CCDC39: variants seen among roughly 807,000 people sequenced by gnomAD.
CCDC39 encodes the protein coiled-coil domain 39 molecular ruler complex subunit.
A neutral mutation model predicts 121.0 loss-of-function variants in CCDC39; 113 were observed. The ratio of observed to expected loss-of-function variants is 0.93; its 90% confidence interval spans 0.80 to 1.09. CCDC39 has a LOEUF of 1.09. Among genes scored for constraint, CCDC39 ranks in the 50% least tolerant of loss-of-function variants. The probability of loss-of-function intolerance (pLI) is 0.00; values close to 1 mark genes in which losing one functional copy is unlikely to be tolerated. For missense variants in CCDC39, 1,063 were observed against 1,074.7 expected, an observed-to-expected ratio of 0.99 and a Z score of 0.15; for synonymous variants, 349 against 352.2, an observed-to-expected ratio of 0.99 and a Z score of 0.10.
At chr3:180,617,439 G>T (rs1407167932) in intron 16 of CCDC39, 1 of 683,370 alleles carries the variant, frequency 1.5e-6, no homozygotes, top group Non-Finnish European at 2.7e-6. Flanking sequence ...TCCTTCAGGA[G>T]ATATTCCAGA....
At chr3:180,620,963 T>C (rs1195777561) in intron 14 of CCDC39, among the ~76,000 whole-genome samples, 3 of 152,154 alleles carry the variant, frequency 2.0e-5, no homozygotes, top group Non-Finnish European at 4.4e-5. Context: ...CTCCACGCTC[T>C]ACCTCCATGT....
At chr3:180,669,423 TG>T (rs1286738841) in intron 1 of CCDC39, among the ~76,000 whole-genome samples, 1 of 152,126 alleles carries the variant, frequency 6.6e-6, no homozygotes, top group African/African-American at 2.4e-5. Context: ...ATTTAAGAAC[TG>T]AAACTTTTAT....
rs1215413312 is a variant in CCDC39, at chr3:180,631,566, T to C, written c.1901A>G (p.Lys634Arg). Residue 634 changes from lysine to arginine, a missense_variant, in exon 14 of 20, where the codon AAA becomes AGA. Physicochemically the swap from Lys to Arg is conservative, Grantham distance 26. Coordinates refer to ENST00000476379, the MANE Select transcript of CCDC39 (RefSeq NM_181426.2). ...ATATCTATTCTTCAGCTTCTCAATT[T>C]TACTTAGCCGCTCGCGAAACTCAGT... ...ISTEFRERLS[K>R]IEKLKNRYEI... 6.2e-7 allele frequency: 1 copy of C among 1,608,758 alleles called. No individual in the cohort carries two copies. Among genetic ancestry groups the C allele is most frequent in the Non-Finnish European group, 8.5e-7 (1 of 1,179,304 alleles).
chr3:180,616,831 T>C lies in CCDC39; in HGVS notation c.2401A>G (p.Lys801Glu). The C allele has an allele frequency of 5.0e-6, 8 of 1,610,478 alleles. No homozygotes were observed. Among genetic ancestry groups the C allele is most frequent in the Non-Finnish European group, 6.8e-6 (8 of 1,177,718 alleles). ...TTTTTAAAAGATATCGATACCTGTTTGGTCACTCTTTCTAATTTTGGCTTC... is the reference window on the plus strand; with the variant it reads ...TTTTTAAAAGATATCGATACCTGTTCGGTCACTCTTTCTAATTTTGGCTTC... ...EQKPKLERVT[K>E]QCAKLTKEIR... Residue 801 changes from lysine to glutamate, a missense_variant, in exon 17 of 20, where the codon AAA becomes GAA. Coordinates refer to ENST00000476379, the MANE Select transcript of CCDC39 (RefSeq NM_181426.2).
chr3:180,637,278 C>T (rs1040255212), intron 13 of CCDC39, among the ~76,000 whole-genome samples: 2 of 151,796 alleles, frequency 1.3e-5, no homozygotes, highest in African/African-American at 4.8e-5. Flanking sequence ...GACATGAAAA[C>T]TTTTCAAAAG....
chr3:180,675,928 AC>A (rs1324906991), intron 1 of CCDC39, among the ~76,000 whole-genome samples: 1 of 152,174 alleles, frequency 6.6e-6, no homozygotes, highest in African/African-American at 2.4e-5. Flanking sequence ...TGCTGGGAAA[AC>A]CTGCTAGCCA....
rs189084818 is a variant in CCDC39 at position 180,649,638 on chromosome 3, G to A, written c.1168-1279C>T. On this transcript the variant is annotated intron_variant, in intron 9 of 19. Transcript: ENST00000476379. ...CACAGTACATCTCCAAAAAAGATAG[G>A]GTTGGGATTTTTTCAAACAAACAAA... Among the ~76,000 whole-genome samples, 256 of 152,106 alleles carry A rather than the reference G, an allele frequency of 1.7e-3. 2 individuals are homozygous for A. The highest frequency in any genetic ancestry group is 5.8e-3 in the African/African-American group (242 of 41,486).
rs534624601 is a variant in CCDC39 at position 180,658,931 on chromosome 3, G to A, written c.738+521C>T. On this transcript the variant is annotated intron_variant, in intron 6 of 19. Coordinates refer to ENST00000476379, the MANE Select transcript of CCDC39 (RefSeq NM_181426.2). ...AAAAACATTCTCCTAAATTACCTCT[G>A]AAAATAACAAGAGATAACACTTGGT... Among the ~76,000 whole-genome samples the A allele has an allele frequency of 5.3e-4, 80 of 152,106 alleles. 1 individual carries two copies. Among genetic ancestry groups the A allele is most frequent in the Admixed American group, 1.2e-3 (19 of 15,282 alleles).
chr3:180,678,077 C>A lies in CCDC39; in HGVS notation c.90+1214G>T, dbSNP rs191464163. ...ACCTAAAATTTGGATGGAACCTTAA[C>A]CCATATTATGTCCCTAGAGCCCGCG... On this transcript the variant is annotated intron_variant, in intron 1 of 19. Transcript: ENST00000476379. 2.3e-3 allele frequency among the ~76,000 whole-genome samples: 347 copies of A among 152,166 alleles called. 1 individual carries two copies. Among genetic ancestry groups the A allele is most frequent in the Admixed American group, 4.1e-3 (62 of 15,294 alleles).
intron 1 of CCDC39, among the ~76,000 whole-genome samples, chr3:180,665,450 G>A (rs1481233217): frequency 4.6e-5 from 7 of 151,972 alleles, no homozygotes; most frequent in African/African-American, 1.5e-4. Flanking sequence ...AGTGTGAAAG[G>A]AAATATTAGA....
chr3:180,655,259 GA>G (rs1350334507), intron 6 of CCDC39, among the ~76,000 whole-genome samples: 3 of 151,868 alleles, frequency 2.0e-5, no homozygotes, highest in African/African-American at 7.2e-5. Context: ...TAACAGTGTT[GA>G]ATATTTTTCA....
chr3:180,666,416 C>A (rs1232287749), intron 1 of CCDC39, among the ~76,000 whole-genome samples: 1 of 151,984 alleles, frequency 6.6e-6, no homozygotes, highest in Non-Finnish European at 1.5e-5. Flanking sequence ...TGTATTATAT[C>A]CCATATATCC....
chr3:180,625,349 T>A (rs1205704879), intron 14 of CCDC39, among the ~76,000 whole-genome samples: 35 of 141,006 alleles, frequency 2.5e-4, no homozygotes, highest in African/African-American at 2.6e-5. Context: ...TCTATTTTTC[T>A]TTTTTTTTTT....
At chr3:180,633,964 A>C (rs1377251089) in intron 13 of CCDC39, among the ~76,000 whole-genome samples, 3 of 152,090 alleles carry the variant, frequency 2.0e-5, no homozygotes, top group Non-Finnish European at 4.4e-5. Flanking sequence ...CCCCTCTGCC[A>C]CGACCACAGC....
chr3:180,629,221 A>G (rs1242276992), intron 14 of CCDC39, among the ~76,000 whole-genome samples: 1 of 152,256 alleles, frequency 6.6e-6, no homozygotes, highest in Non-Finnish European at 1.5e-5. Flanking sequence ...TATTATAGAC[A>G]TGTTGAATCA....
intron 6 of CCDC39, among the ~76,000 whole-genome samples, chr3:180,658,621 A>G (rs1711653882): frequency 6.6e-6 from 1 of 152,076 alleles, no homozygotes; most frequent in Non-Finnish European, 1.5e-5. Flanking sequence ...GAGAATTAAG[A>G]GAACCTCATA....
At chr3:180,642,377 G>A (rs1438358309) in intron 12 of CCDC39, among the ~76,000 whole-genome samples, 176 bp from the exon 13 acceptor site, 1 of 151,168 alleles carries the variant, frequency 6.6e-6, no homozygotes, top group East Asian at 1.9e-4. Flanking sequence ...TTTAAGAAAA[G>A]GGTTTATAGT....
At chr3:180,649,725 GTA>G (rs1195246603) in intron 9 of CCDC39, among the ~76,000 whole-genome samples, 1 of 152,032 alleles carries the variant, frequency 6.6e-6, no homozygotes, top group Non-Finnish European at 1.5e-5. Flanking sequence ...AAAACAATCG[GTA>G]CACCCTGCTG....
rs1717141554 is a variant in CCDC39 at position 180,614,442 on chromosome 3, G to C, written c.*479C>G. 1 of 152,596 alleles carries C rather than the reference G, an allele frequency of 6.6e-6. No homozygotes were observed. The highest frequency in any genetic ancestry group is 2.4e-5 in the African/African-American group (1 of 41,350). 9.5% of individuals were successfully genotyped at this position (152,596 alleles called of 1,614,324 possible). A position where few individuals can be genotyped will look rare whatever the true frequency, so the allele number is the denominator to read the frequency against. On this transcript the variant is annotated 3_prime_UTR_variant, in exon 20 of 20. Coordinates refer to ENST00000476379, the MANE Select transcript of CCDC39 (RefSeq NM_181426.2). ...AAAAATTATAGCAAAAGAAGAAACT[G>C]CCTTTAACAATTTTTCTCCCCAAAA...
Sources: gnomAD v4.1 joint callset for allele counts (sites outside exome capture counted in the v4.1 genomes callset) on GRCh38, gnomAD v4.1.1 for gene constraint, MANE v1.5 for transcripts, NCBI Gene and HGNC (gene_info 2026-07-23, HGNC 2026-07-21) for gene names.